DLGAP2: variants seen among roughly 807,000 people sequenced by gnomAD.
DLGAP2 encodes the protein DLG associated protein 2.
A neutral mutation model predicts 100.3 loss-of-function variants in DLGAP2; 26 were observed. That is an observed-to-expected ratio of 0.26 (90% CI 0.19 to 0.36). The LOEUF (loss-of-function observed/expected upper bound fraction) is 0.36. DLGAP2 is among the 10% of genes least tolerant of loss of function. DLGAP2 has a pLI of 1.00. For synonymous variants in DLGAP2, 886 were observed against 630.1 expected (o/e 1.41, Z -6.08); for missense variants, 1,858 against 1,453.2 (o/e 1.28, Z -4.53).
chr8:1,555,562 C>T (rs946312151), intron 5 of DLGAP2, among the ~76,000 whole-genome samples: 3 of 152,204 alleles, frequency 2.0e-5, no homozygotes, highest in Non-Finnish European at 4.4e-5. Flanking sequence ...GCTCACCGAG[C>T]CCGTTCGTGT....
At chr8:1,169,503 C>G (rs1039427663) in intron 2 of DLGAP2, among the ~76,000 whole-genome samples, 7 of 152,134 alleles carry the variant, frequency 4.6e-5, no homozygotes, top group Admixed American at 2.6e-4. Flanking sequence ...ATTGATTCTT[C>G]CTATCCATGA....
Position 795,475 on chromosome 8 carries a change from G to T in DLGAP2, c.18+57650G>T, listed in dbSNP as rs576298552. Among the ~76,000 whole-genome samples, 15 of 152,332 alleles carry T rather than the reference G, an allele frequency of 9.8e-5. 1 individual carries two copies. The highest frequency in any genetic ancestry group is 3.6e-4 in the African/African-American group (15 of 41,576). On this transcript the variant is annotated intron_variant, in intron 1 of 14. Coordinates refer to ENST00000637795, the MANE Select transcript of DLGAP2 (RefSeq NM_001346810.2). ...CAGTGAAATCACCCACAAAAAGCAT[G>T]AAAATGCACCAAATCTGGACCAAAT...
At chr8:1,589,419 G>A (rs184796242) in intron 6 of DLGAP2, among the ~76,000 whole-genome samples, 1 of 152,238 alleles carries the variant, frequency 6.6e-6, no homozygotes, top group African/African-American at 2.4e-5. Flanking sequence ...TTCCTTGCAT[G>A]TTGCCACATT....
chr8:1,268,142 A>G (rs1014997506), intron 3 of DLGAP2, among the ~76,000 whole-genome samples: 11 of 152,238 alleles, frequency 7.2e-5, no homozygotes, highest in African/African-American at 2.4e-4. Flanking sequence ...AAGAAATAAT[A>G]TCCAATATCA....
At chr8:1,180,913 G>A (rs1797373351) in intron 2 of DLGAP2, among the ~76,000 whole-genome samples, 1 of 141,984 alleles carries the variant, frequency 7.0e-6, no homozygotes, top group South Asian at 2.3e-4. Context: ...TCGAGTGTGG[G>A]TGGCTGTGCA....
intron 3 of DLGAP2, among the ~76,000 whole-genome samples, chr8:1,464,024 GA>G (rs1213727786): frequency 6.6e-6 from 1 of 152,150 alleles, no homozygotes; most frequent in Non-Finnish European, 1.5e-5. Context: ...AGTATCATGG[GA>G]AAAAAAGGGA....
chr8:930,736 C>T (rs1191035474), intron 2 of DLGAP2, among the ~76,000 whole-genome samples: 6 of 152,194 alleles, frequency 3.9e-5, no homozygotes, highest in Admixed American at 3.3e-4. Flanking sequence ...GACTTCCTCC[C>T]GCTGTCTTCC....
chr8:789,408 AACTC>A (rs1821965094), intron 1 of DLGAP2, among the ~76,000 whole-genome samples: 5 of 152,220 alleles, frequency 3.3e-5, no homozygotes, highest in Admixed American at 2.6e-4. Flanking sequence ...CTCTTCTGAG[AACTC>A]ACTCACTATC....
In DLGAP2 at chr8:1,618,116, A is replaced by G. The variant is rs527872071; in HGVS notation, c.1443-8624A>G. On this transcript the variant is annotated intron_variant, in intron 6 of 14. Transcript: ENST00000637795. ...AGGTCCTCGCCAGACACAGAAGGCA[A>G]ACAAGAAGAGAAAAAGCACGAAATT... Among the ~76,000 whole-genome samples the G allele has an allele frequency of 2.6e-5, 4 of 152,328 alleles. No individual in the cohort carries two copies. In the East Asian group the frequency reaches 7.7e-4, roughly 29 times the overall value.
intron 2 of DLGAP2, among the ~76,000 whole-genome samples, chr8:1,070,686 C>G (rs1484111620): frequency 1.3e-5 from 2 of 152,192 alleles, no homozygotes; most frequent in Admixed American, 1.3e-4. Context: ...CACTCACTCC[C>G]TCCTTACAGA....
intron 2 of DLGAP2, among the ~76,000 whole-genome samples, chr8:1,151,849 A>C (rs746602420): frequency 1.3e-5 from 2 of 152,226 alleles, no homozygotes; most frequent in Non-Finnish European, 2.9e-5. Flanking sequence ...CTTTCTGGTT[A>C]TTCCATTAGA....
chr8:762,947 G>T (rs1821124280), intron 1 of DLGAP2, among the ~76,000 whole-genome samples: 1 of 152,168 alleles, frequency 6.6e-6, no homozygotes, highest in South Asian at 2.1e-4. Context: ...AAAGTGCTGG[G>T]ATTACAGGCG....
At chr8:1,409,240 C>G (rs186653317) in intron 3 of DLGAP2, among the ~76,000 whole-genome samples, 256 of 151,382 alleles carry the variant, frequency 1.7e-3, no homozygotes, top group Middle Eastern at 3.4e-3. Flanking sequence ...CCCATCTCCC[C>G]TTGGCAGCCC....
intron 2 of DLGAP2, among the ~76,000 whole-genome samples, chr8:1,252,581 C>T (rs1056610508): frequency 6.6e-6 from 1 of 152,274 alleles, no homozygotes; most frequent in South Asian, 2.1e-4. Flanking sequence ...CATGGTGTCC[C>T]ACAGTTGTGT....
chr8:1,379,011 G>A (rs1796029735), intron 3 of DLGAP2, among the ~76,000 whole-genome samples: 1 of 152,204 alleles, frequency 6.6e-6, no homozygotes, highest in African/African-American at 2.4e-5. Context: ...CTGACATTGG[G>A]CTATGGATAA....
intron 2 of DLGAP2, among the ~76,000 whole-genome samples, chr8:1,246,005 C>T (rs967512753): frequency 6.6e-6 from 1 of 152,206 alleles, no homozygotes; most frequent in Non-Finnish European, 1.5e-5. Context: ...ACTCTTTCTA[C>T]TTCTACACTC....
intron 2 of DLGAP2, among the ~76,000 whole-genome samples, chr8:958,321 G>A (rs531106272): frequency 7.9e-5 from 12 of 152,164 alleles, no homozygotes; most frequent in African/African-American, 1.7e-4. Context: ...GGCCATTTCT[G>A]CCTTTGGCTG....
chr8:1,208,065 G>C (rs907305372), intron 2 of DLGAP2, among the ~76,000 whole-genome samples: 1 of 152,092 alleles, frequency 6.6e-6, no homozygotes, highest in African/African-American at 2.4e-5. Flanking sequence ...AAGCTTTTTA[G>C]TTTAAGTCTC....
At chr8:1,515,073 C>T (rs1800318909) in intron 4 of DLGAP2, among the ~76,000 whole-genome samples, 1 of 152,024 alleles carries the variant, frequency 6.6e-6, no homozygotes, top group South Asian at 2.1e-4. Context: ...GCAGGGAGAC[C>T]AACATGCAGA....
Sources: allele counts gnomAD v4.1 joint callset (sites outside exome capture counted in the v4.1 genomes callset), GRCh38; gene constraint gnomAD v4.1.1; transcripts MANE v1.5; gene names NCBI Gene and HGNC (gene_info 2026-07-23, HGNC 2026-07-21).